The following PTCD1 variants were observed in gnomAD, a reference collection of about 807,000 sequenced individuals.
PTCD1 encodes the protein pentatricopeptide repeat domain 1.
A neutral mutation model predicts 53.4 loss-of-function variants in PTCD1; 50 were observed. The observed-to-expected ratio is 0.94, with a 90% CI of 0.75 to 1.19. PTCD1 has a LOEUF of 1.19. Among genes scored for constraint, PTCD1 ranks in the 50% most tolerant of loss-of-function variants. PTCD1 has a pLI of 0.00. For missense variants in PTCD1, 918 were observed against 904.8 expected (o/e 1.01, Z -0.19); for synonymous variants, 413 against 394.8 (o/e 1.05, Z -0.55).
Position 99,417,619 on chromosome 7 carries a change from G to T in PTCD1, c.*2348C>A. 1.2e-6 allele frequency: 2 copies of T among 1,608,000 alleles called. No individual in the cohort carries two copies. Among genetic ancestry groups the T allele is most frequent in the Non-Finnish European group, 1.7e-6 (2 of 1,179,916 alleles). ...TGGTAATGTCTGACACTCAAGCTTG[G>T]TGTTGTTTTCAGCTCAAAATTCTGC... is the stretch of plus-strand genomic sequence containing the variant. On this transcript the variant is annotated 3_prime_UTR_variant, in exon 8 of 8. Coordinates refer to ENST00000292478, the MANE Select transcript of PTCD1 (RefSeq NM_015545.4).
In PTCD1 at chr7:99,416,812, C is replaced by T. The variant is rs1387244672; in HGVS notation, c.*3155G>A. ...GATGGCTCACTGCAGCCTCAACCTT[C>T]TGGGCTCAAGGGATCCTCTCACCTC... On this transcript the variant is annotated 3_prime_UTR_variant, in exon 8 of 8. Transcript: ENST00000292478. 2 of 153,802 alleles carry T rather than the reference C, an allele frequency of 1.3e-5. No homozygotes were observed. Among genetic ancestry groups the T allele is most frequent in the Non-Finnish European group, 2.8e-5 (2 of 71,360 alleles). 9.5% of individuals were successfully genotyped at this position (153,802 alleles called of 1,614,324 possible).
intron 1 of PTCD1, 136 bp from the exon 2 acceptor site, chr7:99,435,404 C>G: frequency 8.6e-7 from 1 of 1,160,480 alleles, no homozygotes; most frequent in Non-Finnish European, 1.2e-6. Flanking sequence ...TTTGGGAGGT[C>G]GAGGCTGGCA....
chr7:99,428,398 A>T (rs917610174), intron 5 of PTCD1, among the ~76,000 whole-genome samples: 3 of 142,804 alleles, frequency 2.1e-5, no homozygotes, highest in Admixed American at 6.9e-5. Flanking sequence ...GCAAGACTCC[A>T]TCTCAAAAAA....
rs767557296 is a variant in PTCD1, at chr7:99,417,618, G to A, written c.*2349C>T. The A allele has an allele frequency of 1.2e-6, 2 of 1,608,146 alleles. No homozygotes were observed. Among genetic ancestry groups the A allele is most frequent in the Non-Finnish European group, 1.7e-6 (2 of 1,179,918 alleles). Reference sequence around the variant, plus strand: ...GTGGTAATGTCTGACACTCAAGCTTGGTGTTGTTTTCAGCTCAAAATTCTG... The same window carrying A: ...GTGGTAATGTCTGACACTCAAGCTTAGTGTTGTTTTCAGCTCAAAATTCTG... On this transcript the variant is annotated 3_prime_UTR_variant, in exon 8 of 8. Coordinates refer to ENST00000292478, the MANE Select transcript of PTCD1 (RefSeq NM_015545.4).
intron 3 of PTCD1, among the ~76,000 whole-genome samples, chr7:99,431,132 T>C (rs1258388492): frequency 6.6e-6 from 1 of 151,512 alleles, no homozygotes; most frequent in Non-Finnish European, 1.5e-5. Flanking sequence ...ATTAGTTTTT[T>C]TTCTTTTTTT....
intron 3 of PTCD1, among the ~76,000 whole-genome samples, chr7:99,430,878 C>G (rs573596655): frequency 6.6e-6 from 1 of 152,270 alleles, no homozygotes; most frequent in East Asian, 1.9e-4. Flanking sequence ...TCGAGACCAG[C>G]CTGGCCAACA....
Position 99,420,127 on chromosome 7 carries a change from A to C in PTCD1, c.1943T>G (p.Leu648Arg). ...FDRYQGKNTY[L>R]EKIDGFRAYY... ...GGCTCGGAAGCCGTCAATCTTCTCC[A>C]GGTAGGTGTTCTTCCCTTGGTACTA... The change falls in exon 8 of 8, where the codon CTG becomes CGG. Residue 648 changes from leucine (L) to arginine (R), a missense_variant. Leu to Arg is a moderately radical substitution (Grantham distance 102). Coordinates refer to ENST00000292478, the MANE Select transcript of PTCD1 (RefSeq NM_015545.4). 1 of 1,614,178 alleles carries C rather than the reference A, an allele frequency of 6.2e-7. No homozygotes were observed. Among genetic ancestry groups the C allele is most frequent in the Non-Finnish European group, 8.5e-7 (1 of 1,180,022 alleles).
chr7:99,419,867 G>T lies in PTCD1; in HGVS notation c.*100C>A. On this transcript the variant is annotated 3_prime_UTR_variant, in exon 8 of 8. Coordinates refer to ENST00000292478, the MANE Select transcript of PTCD1 (RefSeq NM_015545.4). ...TGACACGCTGCGGCTGTTCCTCAGG[G>T]CCTGGCTCTTCCCCCAGGCAGGAGG... The T allele has an allele frequency of 6.3e-7, 1 of 1,589,372 alleles. No individual in the cohort carries two copies. The highest frequency in any genetic ancestry group is 8.6e-7 in the Non-Finnish European group (1 of 1,166,774).
At chr7:99,421,574 C>A (rs2150946224) in intron 7 of PTCD1, among the ~76,000 whole-genome samples, 1 of 145,084 alleles carries the variant, frequency 6.9e-6, no homozygotes, top group South Asian at 2.1e-4. Context: ...GAAACCCCGT[C>A]TCTACTAAAA....
Position 99,425,612 on chromosome 7 carries a change from C to T in PTCD1, c.920G>A (p.Trp307Ter), listed in dbSNP as rs1795983701. 6.2e-7 allele frequency: 1 copy of T among 1,606,756 alleles called. No individual in the cohort carries two copies. The highest frequency in any genetic ancestry group is 1.3e-5 in the African/African-American group (1 of 74,764). ...KTGFRYALQV[W>*]RLMLSLGLQP... ...TAGCCCTAGACTCAGCATCAGCCGC[C>T]ACACCTGCCACGGAAGAGACAAACG... The change falls in exon 6 of 8, where the codon TGG becomes TAG. Residue 307 changes from tryptophan to a stop codon, truncating the protein, a stop_gained. Transcript: ENST00000292478. LOFTEE classifies it high-confidence loss of function.
chr7:99,417,257 T>C lies in PTCD1; in HGVS notation c.*2710A>G. 2 of 590,482 alleles carry C rather than the reference T, an allele frequency of 3.4e-6. No homozygotes were observed. The highest frequency in any genetic ancestry group is 6.0e-6 in the Non-Finnish European group (2 of 335,276). 36.6% of individuals were successfully genotyped at this position (590,482 alleles called of 1,614,324 possible). A position where few individuals can be genotyped will look rare whatever the true frequency, so the allele number is the denominator to read the frequency against. ...TAGTAGAGACGGGGTTTTACCATGT[T>C]GGCCGGGCTGGTCCTGAACTCCTGA... On this transcript the variant is annotated 3_prime_UTR_variant, in exon 8 of 8. Coordinates refer to ENST00000292478, the MANE Select transcript of PTCD1 (RefSeq NM_015545.4).
In PTCD1 at chr7:99,419,431, G is replaced by A. The variant is rs534586058; in HGVS notation, c.*536C>T. 1.2e-6 allele frequency: 2 copies of A among 1,612,776 alleles called. No individual in the cohort carries two copies. Among genetic ancestry groups the A allele is most frequent in the East Asian group, 2.2e-5 (1 of 44,878 alleles). ...TGCACACACTGTGGCTGTCGTGGCT[G>A]CTCTGGCTGAGGCTGGCGCGCTCCA... On this transcript the variant is annotated 3_prime_UTR_variant, in exon 8 of 8. Coordinates refer to ENST00000292478, the MANE Select transcript of PTCD1 (RefSeq NM_015545.4).
rs1795685137 is a variant in PTCD1, at chr7:99,419,265, G to A, written c.*702C>T. The A allele has an allele frequency of 8.5e-7, 1 of 1,178,688 alleles. No individual in the cohort carries two copies. The highest frequency in any genetic ancestry group is 1.2e-6 in the Non-Finnish European group (1 of 810,076). The allele number at this position is 1,178,688 out of a possible 1,614,324, so 73.0% of individuals were successfully genotyped here. ...TTCCCTGTCCAGAGCTGTCAAGGAA[G>A]GGTTTCTGAGGTGTGTCCCTATATG... On this transcript the variant is annotated 3_prime_UTR_variant, in exon 8 of 8. Coordinates refer to ENST00000292478, the MANE Select transcript of PTCD1 (RefSeq NM_015545.4).
At chr7:99,431,487 A>G (rs886299820) in intron 3 of PTCD1, among the ~76,000 whole-genome samples, 2 of 152,104 alleles carry the variant, frequency 1.3e-5, no homozygotes, top group Admixed American at 6.6e-5. Context: ...CACGCCTGTA[A>G]TTCTAGCACT....
At chr7:99,434,573 T>C (rs531460023) in intron 2 of PTCD1, among the ~76,000 whole-genome samples, 4 of 146,452 alleles carry the variant, frequency 2.7e-5, no homozygotes, top group East Asian at 4.0e-4. Flanking sequence ...TAAGATCAGC[T>C]CAGTGCAACC....
At chr7:99,429,561 G>T in intron 4 of PTCD1, 27 bp downstream of exon 4, 1 of 1,614,172 alleles carries the variant, frequency 6.2e-7, no homozygotes, top group Non-Finnish European at 8.5e-7. Flanking sequence ...CCCATGAAGG[G>T]GAGCAGGACG....
In PTCD1 at chr7:99,419,177, G is replaced by C. The variant is rs1795679967; in HGVS notation, c.*790C>G. On this transcript the variant is annotated 3_prime_UTR_variant, in exon 8 of 8. Coordinates refer to ENST00000292478, the MANE Select transcript of PTCD1 (RefSeq NM_015545.4). Reference sequence around the variant, plus strand: ...GGATTTGCAGAACATATTATAAATAGACATACAGATGTAACCTCGGTGTCA... The same window carrying C: ...GGATTTGCAGAACATATTATAAATACACATACAGATGTAACCTCGGTGTCA... 1.7e-6 allele frequency: 1 copy of C among 586,444 alleles called. No individual in the cohort carries two copies. Among genetic ancestry groups the C allele is most frequent in the Admixed American group, 3.0e-5 (1 of 33,316 alleles). 36.3% of individuals were successfully genotyped at this position (586,444 alleles called of 1,614,324 possible).
At chr7:99,427,243 C>A (rs1796076474) in intron 5 of PTCD1, among the ~76,000 whole-genome samples, 1 of 147,232 alleles carries the variant, frequency 6.8e-6, no homozygotes, top group African/African-American at 2.5e-5. Context: ...CTCTGCCCGG[C>A]TGCCCCTACT....
At chr7:99,433,849 C>G (rs564922404) in intron 2 of PTCD1, among the ~76,000 whole-genome samples, 2 of 151,872 alleles carry the variant, frequency 1.3e-5, no homozygotes. Flanking sequence ...GTCAGGAATT[C>G]GAGACCAGCC....
Sources: gnomAD v4.1 joint callset for allele counts (sites outside exome capture counted in the v4.1 genomes callset) on GRCh38, gnomAD v4.1.1 for gene constraint, MANE v1.5 for transcripts, NCBI Gene and HGNC (gene_info 2026-07-23, HGNC 2026-07-21) for gene names.